The following RIC1 variants were observed in gnomAD, a reference collection of about 807,000 sequenced individuals.
RIC1 encodes guanine nucleotide exchange factor subunit RIC1.
In RIC1, 88 loss-of-function variants were observed where a neutral mutation model predicts 169.0. That is an observed-to-expected ratio of 0.52 (90% CI 0.44 to 0.62). RIC1 has a LOEUF of 0.62. RIC1 is among the 20% of genes least tolerant of loss of function. The pLI is 0.00. For missense variants in RIC1, 1,877 were observed against 1,725.5 expected (o/e 1.09, Z -1.56); for synonymous variants, 790 against 601.5 (o/e 1.31, Z -4.59).
chr9:5,668,087 C>T (rs945585908), intron 2 of RIC1, among the ~76,000 whole-genome samples: 5 of 152,096 alleles, frequency 3.3e-5, no homozygotes, highest in African/African-American at 7.2e-5. Context: ...TCCCTCTTCA[C>T]GTGGTGGCAG....
chr9:5,749,068 C>G (rs1329363884), intron 12 of RIC1, among the ~76,000 whole-genome samples: 1 of 152,114 alleles, frequency 6.6e-6, no homozygotes, highest in African/African-American at 2.4e-5. Flanking sequence ...ATCATAAAGT[C>G]CAACTGGATT....
intron 17 of RIC1, 79 bp from the exon 18 acceptor site, chr9:5,762,462 A>C (rs1826402384): frequency 1.9e-6 from 3 of 1,539,492 alleles, no homozygotes; most frequent in Admixed American, 3.5e-5. Flanking sequence ...TTGACCTATA[A>C]ACCTTATGGA....
At chr9:5,631,712 T>TAAATAAAAGTAAACAATATGACCTATGA (rs1817723945) in intron 1 of RIC1, among the ~76,000 whole-genome samples, 2 of 146,770 alleles carry the variant, frequency 1.4e-5, no homozygotes, top group East Asian at 4.0e-4. Flanking sequence ...AAAAATCAAA[T>TAAATAAAAGTAAACAATATGACCTATGA]ATTGAACCAA....
At chr9:5,756,758 C>T (rs1273712867) in intron 16 of RIC1, among the ~76,000 whole-genome samples, 2 of 152,176 alleles carry the variant, frequency 1.3e-5, no homozygotes, top group East Asian at 3.8e-4. Context: ...CCTTAGCAAA[C>T]TGACTTATAT....
At chr9:5,676,619 C>T (rs1586925662) in intron 2 of RIC1, among the ~76,000 whole-genome samples, 1 of 152,080 alleles carries the variant, frequency 6.6e-6, no homozygotes, top group East Asian at 1.9e-4. Flanking sequence ...GAGCCATAGG[C>T]ATCTCCTTAT....
At position 5,769,526 on chromosome 9, in the gene RIC1, A is replaced by T; in HGVS notation, c.3424+270A>T. The T allele has an allele frequency of 3.3e-6, 4 of 1,196,404 alleles. No individual in the cohort carries two copies. The South Asian group carries it at 6.6e-5, about 20-fold the overall frequency. 74.1% of individuals were successfully genotyped at this position (1,196,404 alleles called of 1,614,324 possible). A position where few individuals can be genotyped will look rare whatever the true frequency, so the allele number is the denominator to read the frequency against. On this transcript the variant is annotated intron_variant, in intron 22 of 25. Coordinates refer to ENST00000414202, the MANE Select transcript of RIC1 (RefSeq NM_020829.4). Reference sequence around the variant, plus strand: ...TTATAAAGAAGTTGAGAACTGCCTGAATATAAAAGCTACCATGCTTATGTT... The same window carrying T: ...TTATAAAGAAGTTGAGAACTGCCTGTATATAAAAGCTACCATGCTTATGTT...
At chr9:5,656,726 T>C (rs747662665) in intron 2 of RIC1, 36 bp downstream of exon 2, 5 of 1,191,306 alleles carry the variant, frequency 4.2e-6, no homozygotes, top group South Asian at 3.9e-5. Context: ...TGTTTTCTTA[T>C]GAAATCATTA....
intron 2 of RIC1, among the ~76,000 whole-genome samples, chr9:5,686,354 A>G (rs1247988682): frequency 2.0e-5 from 3 of 152,130 alleles, no homozygotes; most frequent in Non-Finnish European, 4.4e-5. Context: ...ACTATTCACA[A>G]TAGCAAAGAC....
chr9:5,653,483 G>C (rs1320692525), intron 1 of RIC1, among the ~76,000 whole-genome samples: 1 of 152,216 alleles, frequency 6.6e-6, no homozygotes, highest in African/African-American at 2.4e-5. Flanking sequence ...GAATTTGATT[G>C]AGATTGTATT....
intron 23 of RIC1, among the ~76,000 whole-genome samples, chr9:5,770,640 T>C (rs1271640469): frequency 6.6e-6 from 1 of 152,220 alleles, no homozygotes; most frequent in Non-Finnish European, 1.5e-5. Flanking sequence ...TTTTACTGCA[T>C]TATCATTTTT....
intron 12 of RIC1, among the ~76,000 whole-genome samples, chr9:5,751,775 TAACA>T (rs1307596086): frequency 2.0e-5 from 3 of 152,248 alleles, no homozygotes; most frequent in African/African-American, 7.2e-5. Context: ...AAGTGAAGTA[TAACA>T]AACAGTTTTA....
At chr9:5,687,706 G>T (rs1017570159) in intron 2 of RIC1, among the ~76,000 whole-genome samples, 2 of 152,050 alleles carry the variant, frequency 1.3e-5, no homozygotes, top group Non-Finnish European at 2.9e-5. Context: ...TTTACACACG[G>T]TATAAACCCC....
chr9:5,656,026 C>T (rs574703044), intron 1 of RIC1, among the ~76,000 whole-genome samples: 10 of 152,034 alleles, frequency 6.6e-5, no homozygotes, highest in Non-Finnish European at 1.2e-4. Context: ...CCTGCCACCA[C>T]GCCCAGCTAA....
chr9:5,766,076 C>CT (rs1826721184), intron 21 of RIC1, among the ~76,000 whole-genome samples: 1 of 152,210 alleles, frequency 6.6e-6, no homozygotes, highest in Admixed American at 6.5e-5. Flanking sequence ...GAGTCTCACT[C>CT]TGTCACCCAG....
intron 3 of RIC1, among the ~76,000 whole-genome samples, chr9:5,709,612 T>C (rs190824742): frequency 2.0e-5 from 3 of 152,328 alleles, no homozygotes; most frequent in African/African-American, 7.2e-5. Context: ...TGGCATTCAG[T>C]GCTTTCATAA....
chr9:5,773,079 T>A lies in RIC1; in HGVS notation c.3982T>A (p.Cys1328Ser), dbSNP rs367751817. The change falls in exon 25 of 26, where the codon TGT becomes AGT. Residue 1328 changes from cysteine to serine, a missense_variant and splice_region_variant. This residue lies in a region of RIC1 where 681 missense variants were observed against 582.0 expected (regional missense o/e 1.17). Transcript: ENST00000414202. ...AGTGGACCGATGGGCCTCTACAGAC[T>A]GGTAAGTGCTGCTTTCCTTAGGCTT... The part of the protein sequence containing the change: ...HAVDRWASTD[C>S]PGYKPFLNII... The A allele has an allele frequency of 1.3e-6, 2 of 1,591,570 alleles. No individual in the cohort carries two copies. Among genetic ancestry groups the A allele is most frequent in the African/African-American group, 2.7e-5 (2 of 74,292 alleles).
chr9:5,685,003 G>A (rs1263869708), intron 2 of RIC1, among the ~76,000 whole-genome samples: 3 of 151,834 alleles, frequency 2.0e-5, no homozygotes, highest in African/African-American at 7.3e-5. Flanking sequence ...TGCATTCTTG[G>A]ATAAACCTCA....
intron 10 of RIC1, among the ~76,000 whole-genome samples, chr9:5,744,942 C>G (rs1260715210): frequency 1.3e-5 from 2 of 152,130 alleles, no homozygotes; most frequent in Non-Finnish European, 2.9e-5. Context: ...GGAAGACATT[C>G]TTCTGATCTT....
chr9:5,679,770 A>G (rs1251733082), intron 2 of RIC1, among the ~76,000 whole-genome samples: 4 of 152,338 alleles, frequency 2.6e-5, no homozygotes, highest in Admixed American at 2.0e-4. Context: ...TAGATATACA[A>G]TCATGTCATC....
Sources: allele counts gnomAD v4.1 joint callset (sites outside exome capture counted in the v4.1 genomes callset), GRCh38; gene constraint gnomAD v4.1.1; regional missense constraint gnomAD v4.1.1; transcripts MANE v1.5; gene names NCBI Gene and HGNC (gene_info 2026-07-23, HGNC 2026-07-21).